Variants in LARS2 observed in about 807,000 individuals in gnomAD.
The protein encoded by LARS2 is leucine--tRNA ligase, mitochondrial.
LARS2 carries 81 observed loss-of-function variants against 116.6 expected under a neutral mutation model. The ratio of observed to expected loss-of-function variants is 0.69; its 90% CI spans 0.58 to 0.84. The LOEUF (loss-of-function observed/expected upper bound fraction) is 0.84. Among genes scored for constraint, LARS2 ranks in the 40% least tolerant of loss-of-function variants. The pLI is 0.00. For synonymous variants in LARS2, 396 were observed against 407.2 expected (o/e 0.97, Z 0.33); for missense variants, 968 against 1,114.5 (o/e 0.87, Z 1.87).
intron 8 of LARS2, among the ~76,000 whole-genome samples, chr3:45,472,624 A>G (rs1161667575): frequency 6.6e-6 from 1 of 152,262 alleles, no homozygotes; most frequent in Non-Finnish European, 1.5e-5. Flanking sequence ...GAGTATGATA[A>G]GCTGAAGCCA....
At chr3:45,395,873 G>C (rs1295282389) in intron 3 of LARS2, among the ~76,000 whole-genome samples, 4 of 152,164 alleles carry the variant, frequency 2.6e-5, no homozygotes, top group Non-Finnish European at 5.9e-5. Context: ...AAAAGGGAAG[G>C]TTTGAATGTA....
intron 8 of LARS2, among the ~76,000 whole-genome samples, chr3:45,470,452 G>A (rs559453647): frequency 1.3e-5 from 2 of 152,224 alleles, no homozygotes; most frequent in East Asian, 3.9e-4. Flanking sequence ...ACTCATGAAT[G>A]CCTAGTTCTG....
chr3:45,444,039 C>G (rs1216267865), intron 6 of LARS2, among the ~76,000 whole-genome samples: 2 of 142,166 alleles, frequency 1.4e-5, no homozygotes, highest in East Asian at 2.1e-4. Flanking sequence ...GAGTCTTGCT[C>G]TGTTGTCCAG....
chr3:45,394,421 CCT>C lies in LARS2; in HGVS notation c.-21-9_-21-8del. The C allele has an allele frequency of 6.6e-7, 1 of 1,525,436 alleles. No homozygotes were observed. Among genetic ancestry groups the C allele is most frequent in the Non-Finnish European group, 9.1e-7 (1 of 1,100,138 alleles). 94.5% of individuals were successfully genotyped at this position (1,525,436 alleles called of 1,614,324 possible). On this transcript the variant is annotated splice_polypyrimidine_tract_variant and intron_variant, in intron 2 of 21. Coordinates refer to ENST00000645846, the MANE Select transcript of LARS2 (RefSeq NM_015340.4). ...AGGCAGCTCATAGTGTGCTTTCTGC[CCT>C]CTTTTTCAGGGCCTTCTCACCTTCT...
chr3:45,491,215 A>C (rs1468529579), intron 12 of LARS2, among the ~76,000 whole-genome samples: 2 of 152,238 alleles, frequency 1.3e-5, no homozygotes, highest in East Asian at 3.8e-4. Flanking sequence ...ATACTTTTAG[A>C]GGCCTCTGCA....
At chr3:45,414,087 A>G (rs1410579858) in intron 4 of LARS2, among the ~76,000 whole-genome samples, 1 of 152,202 alleles carries the variant, frequency 6.6e-6, no homozygotes, top group Non-Finnish European at 1.5e-5. Context: ...ACTTCTAGAA[A>G]TTTTTCTAAA....
At chr3:45,485,582 G>A in intron 10 of LARS2, 110 bp from the exon 11 acceptor site, 1 of 593,488 alleles carries the variant, frequency 1.7e-6, no homozygotes, top group South Asian at 2.6e-5. Flanking sequence ...ACAATTAGCA[G>A]AAAGCACAGA....
chr3:45,470,818 A>G (rs547569064), intron 8 of LARS2, among the ~76,000 whole-genome samples: 1 of 152,122 alleles, frequency 6.6e-6, no homozygotes, highest in East Asian at 1.9e-4. Flanking sequence ...ATTTCTTTCA[A>G]CTCTTACATA....
At chr3:45,422,386 G>T (rs1044274876) in intron 6 of LARS2, 7 of 151,914 alleles carry the variant, frequency 4.6e-5, no homozygotes, top group African/African-American at 1.7e-4. Flanking sequence ...GTTTATAGTT[G>T]AATATTATTA....
rs1248559377 is a variant in LARS2 at position 45,458,895 on chromosome 3, C to T, written c.750+9C>T. The T allele has an allele frequency of 6.2e-7, 1 of 1,613,530 alleles. No individual in the cohort carries two copies. The highest frequency in any genetic ancestry group is 1.7e-5 in the Admixed American group (1 of 59,988). On this transcript the variant is annotated intron_variant, in intron 8 of 21. Transcript: ENST00000645846. ...CAACCGCTTATGCAAAGGTGAGTGT[C>T]AGCCTGGAGGCTCCCCACTAATGCC... is the stretch of plus-strand genomic sequence containing the variant.
chr3:45,391,326 A>C (rs1697943809), intron 1 of LARS2, among the ~76,000 whole-genome samples: 1 of 152,018 alleles, frequency 6.6e-6, no homozygotes, highest in Non-Finnish European at 1.5e-5. Context: ...TCTACTAAAA[A>C]TACAAAAAAT....
rs1414561350 is a variant in LARS2 at position 45,458,843 on chromosome 3, A to C, written c.707A>C (p.Lys236Thr). The C allele has an allele frequency of 1.9e-6, 3 of 1,614,126 alleles. No homozygotes were observed. The highest frequency in any genetic ancestry group is 2.2e-5 in the South Asian group (2 of 91,076). Residue 236 changes from lysine (K) to threonine (T), a missense_variant, in exon 8 of 22, where the codon AAG (lysine) becomes ACG (threonine). Coordinates refer to ENST00000645846, the MANE Select transcript of LARS2 (RefSeq NM_015340.4). The part of the protein sequence containing the change: ...SWRSGAKVEQ[K>T]YLRQWFIKTT... ...CGTTCTGGAGCAAAGGTGGAACAGA[A>C]GTACCTCAGACAATGGTTTATTAAG...
chr3:45,414,101 A>G (rs1407245055), intron 4 of LARS2, among the ~76,000 whole-genome samples: 1 of 152,206 alleles, frequency 6.6e-6, no homozygotes, highest in Non-Finnish European at 1.5e-5. Flanking sequence ...TTCTAAAGGA[A>G]ATGTTAAGAG....
In LARS2 at chr3:45,407,969, A is replaced by G. The variant is rs75657280; in HGVS notation, c.363+7596A>G. On this transcript the variant is annotated intron_variant, in intron 4 of 21. Coordinates refer to ENST00000645846, the MANE Select transcript of LARS2 (RefSeq NM_015340.4). ...AATAATTCCTTCTTTTAAAAAATAT[A>G]TTTTAAAATTGTACATGAATTCCCA... Among the ~76,000 whole-genome samples, 941 of 152,324 alleles carry G rather than the reference A, an allele frequency of 6.2e-3. 11 individuals are homozygous for G. Among genetic ancestry groups the G allele is most frequent in the African/African-American group, 0.022 (906 of 41,566 alleles).
At chr3:45,546,491 A>G (rs3821895) in intron 21 of LARS2, among the ~76,000 whole-genome samples, 41,316 of 152,220 alleles carry the variant, frequency 0.27, 5,906 homozygotes, top group Middle Eastern at 0.4. Context: ...CAAGTTCTGC[A>G]AAACTGAAAA....
chr3:45,467,883 T>C (rs1280338216), intron 8 of LARS2, among the ~76,000 whole-genome samples: 1 of 151,848 alleles, frequency 6.6e-6, no homozygotes, highest in African/African-American at 2.4e-5. Context: ...GCCCAGGAGT[T>C]CAAGACCAGC....
intron 1 of LARS2, among the ~76,000 whole-genome samples, chr3:45,390,223 G>A (rs1697915493): frequency 6.6e-6 from 1 of 152,148 alleles, no homozygotes; most frequent in Admixed American, 6.5e-5. Flanking sequence ...TTGTAAAGTT[G>A]ATCTTTTTCA....
rs2125668785 is a variant in LARS2, at chr3:45,389,844, A to G, written c.-88+1164A>G. On this transcript the variant is annotated intron_variant, in intron 1 of 21. Coordinates refer to ENST00000645846, the MANE Select transcript of LARS2 (RefSeq NM_015340.4). ...CGCTGTCAATAAGAGGCAGTCCATC[A>G]GGGCTTTGGTGGAGGGGTACTTGGA... Among the ~76,000 whole-genome samples the G allele has an allele frequency of 1.3e-5, 2 of 152,328 alleles. 1 individual carries two copies. Among genetic ancestry groups the G allele is most frequent in the Middle Eastern group, 6.8e-3 (2 of 294 alleles).
intron 17 of LARS2, among the ~76,000 whole-genome samples, chr3:45,517,455 C>A (rs1700385191): frequency 6.6e-6 from 1 of 152,260 alleles, no homozygotes; most frequent in South Asian, 2.1e-4. Context: ...CAATGCACTT[C>A]ACACTCTACA....
Sources: allele counts gnomAD v4.1 joint callset (sites outside exome capture counted in the v4.1 genomes callset), GRCh38; gene constraint gnomAD v4.1.1; transcripts MANE v1.5; gene names NCBI Gene and HGNC (gene_info 2026-07-23, HGNC 2026-07-21).